Variants in ASIC2 observed in about 807,000 individuals in gnomAD.
The protein encoded by ASIC2 is acid-sensing ion channel 2.
Under a neutral mutation model 57.3 loss-of-function variants are expected in ASIC2, and 25 were observed. The observed-to-expected ratio is 0.44, with a 90% CI of 0.32 to 0.61. The LOEUF (loss-of-function observed/expected upper bound fraction) is 0.61, where lower values mean the gene tolerates loss of function less well. Among genes scored for constraint, ASIC2 ranks in the 20% least tolerant of loss-of-function variants. The pLI is 0.06. For synonymous variants in ASIC2, 319 were observed against 307.5 expected (o/e 1.04, Z -0.39); for missense variants, 641 against 738.1 (o/e 0.87, Z 1.52).
At chr17:33,639,226 G>A (rs193264156) in intron 1 of ASIC2, among the ~76,000 whole-genome samples, 1 of 152,114 alleles carries the variant, frequency 6.6e-6, no homozygotes, top group East Asian at 2.0e-4. Flanking sequence ...AGCAATGTGT[G>A]TGGAAGCACT....
At chr17:33,250,982 G>T (rs1463997719) in intron 1 of ASIC2, among the ~76,000 whole-genome samples, 1 of 152,228 alleles carries the variant, frequency 6.6e-6, no homozygotes, top group Non-Finnish European at 1.5e-5. Context: ...TAAACCTGCA[G>T]ATAGCAGGCC....
intron 1 of ASIC2, among the ~76,000 whole-genome samples, chr17:34,041,666 T>A (rs911930630): frequency 6.6e-6 from 1 of 152,190 alleles, no homozygotes; most frequent in African/African-American, 2.4e-5. Context: ...CAAACCAAGT[T>A]AGTTCTTCCC....
intron 1 of ASIC2, among the ~76,000 whole-genome samples, chr17:33,913,757 GTGTA>G (rs1915522093): frequency 6.7e-6 from 1 of 148,560 alleles, no homozygotes; most frequent in Non-Finnish European, 1.5e-5. Flanking sequence ...AAAATGATAA[GTGTA>G]TGTCAGATAC....
chr17:33,919,486 T>TACCATACCTTTTACCATATA (rs1915663556), intron 1 of ASIC2, among the ~76,000 whole-genome samples: 2 of 152,174 alleles, frequency 1.3e-5, no homozygotes, highest in South Asian at 4.1e-4. Context: ...GAAACTGGAT[T>TACCATACCTTTTACCATATA]CATACCCTTT....
intron 3 of ASIC2, among the ~76,000 whole-genome samples, chr17:33,041,371 G>A (rs1214623853): frequency 6.6e-6 from 1 of 152,218 alleles, no homozygotes; most frequent in Non-Finnish European, 1.5e-5. Context: ...CAAGATGGCA[G>A]TATGGTGGCT....
chr17:33,871,105 C>T (rs1189308254), intron 1 of ASIC2, among the ~76,000 whole-genome samples: 1 of 152,186 alleles, frequency 6.6e-6, no homozygotes, highest in Non-Finnish European at 1.5e-5. Flanking sequence ...CTCCTCCTCT[C>T]CCTTCCTCCT....
intron 1 of ASIC2, among the ~76,000 whole-genome samples, chr17:33,859,628 G>T (rs140080340): frequency 1.3e-5 from 2 of 152,162 alleles, no homozygotes; most frequent in Non-Finnish European, 2.9e-5. Context: ...CAACAAAAGC[G>T]CTGGAGCTGG....
At chr17:33,227,512 G>A (rs1907934110) in intron 1 of ASIC2, among the ~76,000 whole-genome samples, 1 of 152,090 alleles carries the variant, frequency 6.6e-6, no homozygotes, top group Non-Finnish European at 1.5e-5. Context: ...TCAGGACAAA[G>A]GAGAGTGAGG....
intron 1 of ASIC2, among the ~76,000 whole-genome samples, chr17:33,714,974 T>G (rs1349872077): frequency 2.0e-5 from 3 of 148,702 alleles, no homozygotes; most frequent in Non-Finnish European, 4.5e-5. Context: ...CATGCCACCA[T>G]GCCAGGCTAA....
intron 1 of ASIC2, among the ~76,000 whole-genome samples, chr17:33,759,173 T>A (rs764521265): frequency 2.0e-5 from 3 of 152,006 alleles, no homozygotes; most frequent in Non-Finnish European, 4.4e-5. Context: ...CACATGGAGG[T>A]GGTGAACAAG....
At chr17:33,581,925 C>T (rs1904455201) in intron 1 of ASIC2, among the ~76,000 whole-genome samples, 1 of 152,156 alleles carries the variant, frequency 6.6e-6, no homozygotes, top group South Asian at 2.1e-4. Context: ...TGACCGTAGA[C>T]CCAGGTGCTA....
chr17:33,206,095 AGGAGGCCACCT>A (rs1287492114), intron 1 of ASIC2, among the ~76,000 whole-genome samples: 2 of 152,262 alleles, frequency 1.3e-5, no homozygotes, highest in African/African-American at 4.8e-5. Context: ...GGATGGCCAC[AGGAGGCCACCT>A]GGAGACTCAA....
chr17:34,031,879 C>T (rs897592698), intron 1 of ASIC2, among the ~76,000 whole-genome samples: 5 of 152,158 alleles, frequency 3.3e-5, no homozygotes, highest in Non-Finnish European at 7.3e-5. Flanking sequence ...ACCAAATCTA[C>T]GTCTGATTGA....
chr17:33,300,614 T>A (rs1486218003), intron 1 of ASIC2, among the ~76,000 whole-genome samples: 1 of 152,222 alleles, frequency 6.6e-6, no homozygotes, highest in African/African-American at 2.4e-5. Context: ...AAGATTTAAT[T>A]TTCTTGTCAT....
chr17:33,710,566 T>G (rs556711334), intron 1 of ASIC2, among the ~76,000 whole-genome samples: 2 of 152,310 alleles, frequency 1.3e-5, no homozygotes, highest in African/African-American at 4.8e-5. Flanking sequence ...TTTTCAAGAA[T>G]GAGAAGAAAT....
intron 1 of ASIC2, among the ~76,000 whole-genome samples, chr17:33,282,964 T>C (rs1240153042): frequency 1.3e-5 from 2 of 152,184 alleles, no homozygotes; most frequent in Non-Finnish European, 2.9e-5. Context: ...GGGTAATGTA[T>C]TCACAGATTC....
At chr17:33,718,065 GA>G (rs1391600140) in intron 1 of ASIC2, among the ~76,000 whole-genome samples, 1 of 152,110 alleles carries the variant, frequency 6.6e-6, no homozygotes, top group East Asian at 1.9e-4. Flanking sequence ...TTGTTTCCAG[GA>G]CACCCCTCTC....
In ASIC2 at chr17:33,265,318, TATGTAGCCATA is replaced by T. The variant is rs569478812; in HGVS notation, c.708+26079_708+26089del. Among the ~76,000 whole-genome samples the T allele has an allele frequency of 1.4e-3, 217 of 152,340 alleles. 2 individuals carry two copies. Among genetic ancestry groups the T allele is most frequent in the African/African-American group, 5.0e-3 (206 of 41,580 alleles). On this transcript the variant is annotated intron_variant, in intron 1 of 9. Coordinates refer to ENST00000225823, the MANE Select transcript of ASIC2 (RefSeq NM_183377.2). The stretch of plus-strand genomic sequence containing the variant: ...GTGGTACATATACACCATGGAATAC[TATGTAGCCATA>T]AAAAGGAAAGAGATCATGTCCTTTA...
chr17:34,100,064 C>T (rs947740958), intron 1 of ASIC2, among the ~76,000 whole-genome samples: 2 of 152,166 alleles, frequency 1.3e-5, no homozygotes, highest in African/African-American at 4.8e-5. Context: ...TTCTCTCACC[C>T]CAGGAACCGC....
Sources: allele counts gnomAD v4.1 joint callset (sites outside exome capture counted in the v4.1 genomes callset), GRCh38; gene constraint gnomAD v4.1.1; transcripts MANE v1.5; gene names NCBI Gene and HGNC (gene_info 2026-07-23, HGNC 2026-07-21).